NARS2: variants seen among roughly 807,000 people sequenced by gnomAD.
NARS2 encodes asparaginyl-tRNA synthetase.
A neutral mutation model predicts 62.9 loss-of-function variants in NARS2; 60 were observed. That is an observed-to-expected ratio of 0.95 (90% CI 0.77 to 1.18). The LOEUF (loss-of-function observed/expected upper bound fraction) is 1.18, where lower values mean the gene tolerates loss of function less well. NARS2 is among the 50% of genes most tolerant of loss of function. The probability of loss-of-function intolerance (pLI) is 0.00; values close to 1 mark genes in which losing one functional copy is unlikely to be tolerated. For synonymous variants in NARS2, 196 were observed against 200.0 expected, an observed-to-expected ratio of 0.98 and a Z score of 0.17; for missense variants, 619 against 576.4, an observed-to-expected ratio of 1.07 and a Z score of -0.76.
intron 11 of NARS2, among the ~76,000 whole-genome samples, chr11:78,459,308 T>C (rs1858299160): frequency 6.6e-6 from 1 of 151,128 alleles, no homozygotes; most frequent in African/African-American, 2.5e-5. Context: ...TTTGCTCTTG[T>C]TGCCCAGGCT....
intron 6 of NARS2, among the ~76,000 whole-genome samples, chr11:78,503,181 C>T (rs1291655118): frequency 6.6e-6 from 1 of 151,964 alleles, no homozygotes; most frequent in African/African-American, 2.4e-5. Context: ...CATAAGCAGT[C>T]CAAATCCAGG....
chr11:78,441,044 G>A lies in NARS2; in HGVS notation c.1289+47C>T, dbSNP rs761730211. On this transcript the variant is annotated intron_variant, in intron 13 of 13. Transcript: ENST00000281038. ...CAAGTAAAAACGCTTCTAGGCAACA[G>A]TCAGACAAGCAGCTAGAGTAAGAAT... 5.7e-6 allele frequency: 9 copies of A among 1,578,386 alleles called. No individual in the cohort carries two copies. The South Asian group carries it at 9.0e-5, about 16-fold the overall frequency.
intron 9 of NARS2, among the ~76,000 whole-genome samples, chr11:78,471,518 A>G (rs893000175): frequency 6.9e-6 from 1 of 144,582 alleles, no homozygotes; most frequent in Non-Finnish European, 1.5e-5. Context: ...AGATTGAACT[A>G]TCTTTTTTTT....
chr11:78,527,337 T>G (rs1185111789), intron 6 of NARS2, among the ~76,000 whole-genome samples: 1 of 152,236 alleles, frequency 6.6e-6, no homozygotes, highest in Non-Finnish European at 1.5e-5. Flanking sequence ...GTTTTTAATT[T>G]TTTTAAATTA....
At chr11:78,468,310 G>GGAAAAAAAAAAAAAA (rs1555015326) in intron 10 of NARS2, among the ~76,000 whole-genome samples, 2 of 67,432 alleles carry the variant, frequency 3.0e-5, no homozygotes, top group Admixed American at 1.7e-4. Flanking sequence ...CACTAAATCT[G>GGAAAAAAAAAAAAAA]AAAAAAAAAA....
intron 11 of NARS2, among the ~76,000 whole-genome samples, chr11:78,451,987 T>G (rs1857986442): frequency 6.6e-6 from 1 of 152,192 alleles, no homozygotes; most frequent in Non-Finnish European, 1.5e-5. Flanking sequence ...ACCTTTGCCC[T>G]GGGAAATGAG....
At chr11:78,492,477 G>C (rs919706089) in intron 7 of NARS2, among the ~76,000 whole-genome samples, 63 of 152,258 alleles carry the variant, frequency 4.1e-4, no homozygotes, top group African/African-American at 1.4e-3. Context: ...TTTGGGTAAA[G>C]TTCAAACTCC....
chr11:78,552,736 GT>G lies in NARS2; in HGVS notation c.594+6802del, dbSNP rs542673199. On this transcript the variant is annotated intron_variant, in intron 5 of 13. Coordinates refer to ENST00000281038, the MANE Select transcript of NARS2 (RefSeq NM_024678.6). ...TCCCATCTTTCTGGATCGAACCAAT[GT>G]TCATCTTACGTATATGGATTGATGT... 2.3e-3 allele frequency among the ~76,000 whole-genome samples: 343 copies of G among 152,226 alleles called. 1 individual carries two copies. The highest frequency in any genetic ancestry group is 8.0e-3 in the African/African-American group (334 of 41,534).
chr11:78,544,513 G>A (rs1400727322), intron 5 of NARS2, among the ~76,000 whole-genome samples: 3 of 152,172 alleles, frequency 2.0e-5, no homozygotes, highest in Non-Finnish European at 4.4e-5. Context: ...TGAGTTACCG[G>A]CTGAGCGCAG....
intron 4 of NARS2, among the ~76,000 whole-genome samples, chr11:78,562,290 C>T (rs1856583843): frequency 6.6e-6 from 1 of 151,630 alleles, no homozygotes; most frequent in Non-Finnish European, 1.5e-5. Context: ...ACGAGCCAGG[C>T]ACAGTGGTGC....
chr11:78,461,134 G>A (rs979389638), intron 11 of NARS2, among the ~76,000 whole-genome samples: 1 of 152,142 alleles, frequency 6.6e-6, no homozygotes, highest in African/African-American at 2.4e-5. Context: ...CAATCCCTGA[G>A]GATACTGAGG....
chr11:78,565,216 T>TA (rs1386337628), intron 4 of NARS2, among the ~76,000 whole-genome samples: 2 of 152,326 alleles, frequency 1.3e-5, no homozygotes, highest in Middle Eastern at 3.4e-3. Flanking sequence ...AAAATGTCCT[T>TA]AGTCATTAGA....
chr11:78,545,037 A>G (rs901614572), intron 5 of NARS2, among the ~76,000 whole-genome samples: 10 of 152,164 alleles, frequency 6.6e-5, no homozygotes, highest in African/African-American at 2.4e-4. Flanking sequence ...ATAGTGGTCA[A>G]AGTCAGCAGT....
At chr11:78,496,172 C>A (rs186720265) in intron 6 of NARS2, among the ~76,000 whole-genome samples, 1 of 152,032 alleles carries the variant, frequency 6.6e-6, no homozygotes, top group East Asian at 1.9e-4. Flanking sequence ...TGAAAAATTG[C>A]GTAAGAAAGC....
intron 4 of NARS2, among the ~76,000 whole-genome samples, chr11:78,561,244 G>T (rs1382030888): frequency 6.6e-6 from 1 of 152,232 alleles, no homozygotes; most frequent in Non-Finnish European, 1.5e-5. Flanking sequence ...TAATAAAGGA[G>T]AGAGTACAAA....
At chr11:78,489,265 T>C (rs1050129761) in intron 7 of NARS2, among the ~76,000 whole-genome samples, 21 of 151,924 alleles carry the variant, frequency 1.4e-4, no homozygotes, top group East Asian at 5.8e-4. Flanking sequence ...GCAAGCCATA[T>C]GGAAAATGGG....
At chr11:78,456,970 C>T (rs1858187410) in intron 11 of NARS2, among the ~76,000 whole-genome samples, 2 of 152,210 alleles carry the variant, frequency 1.3e-5, no homozygotes, top group Admixed American at 6.5e-5. Context: ...ACTTAGGCTA[C>T]AGGAAATCAG....
intron 9 of NARS2, among the ~76,000 whole-genome samples, chr11:78,474,134 A>G (rs1858988481): frequency 6.6e-6 from 1 of 152,180 alleles, no homozygotes; most frequent in Non-Finnish European, 1.5e-5. Flanking sequence ...TTATTTTTAG[A>G]TGTTTTGCAG....
intron 5 of NARS2, among the ~76,000 whole-genome samples, chr11:78,532,025 C>T (rs747282043): frequency 6.6e-6 from 1 of 152,168 alleles, no homozygotes; most frequent in Non-Finnish European, 1.5e-5. Flanking sequence ...AATTTTATGA[C>T]ATAAATTTCA....
Sources: gnomAD v4.1 joint callset for allele counts (sites outside exome capture counted in the v4.1 genomes callset) on GRCh38, gnomAD v4.1.1 for gene constraint, MANE v1.5 for transcripts, NCBI Gene and HGNC (gene_info 2026-07-23, HGNC 2026-07-21) for gene names.